Variants in SPMIP11 observed in about 807,000 individuals in gnomAD.
The protein encoded by SPMIP11 is sperm microtubule inner protein 11.
At chr12:48,740,863 G>A in the SPMIP11 span, among the ~76,000 whole-genome samples, 1 of 151,730 alleles carries the variant, frequency 6.6e-6, no homozygotes, top group African/African-American at 2.4e-5. Context: ...CTCCAGCCTG[G>A]GTGACAGAGT....
At chr12:48,763,794 T>G in the SPMIP11 span, among the ~76,000 whole-genome samples, 29 of 151,496 alleles carry the variant, frequency 1.9e-4, no homozygotes, top group South Asian at 5.6e-3. Flanking sequence ...TTCTCCTGCC[T>G]CATCCTACTG....
At chr12:48,754,387 A>G in the SPMIP11 span, among the ~76,000 whole-genome samples, 2 of 152,206 alleles carry the variant, frequency 1.3e-5, no homozygotes, top group African/African-American at 4.8e-5. Flanking sequence ...CCTAAACTCA[A>G]GTGATTCTCC....
At chr12:48,750,821 C>A in the SPMIP11 span, among the ~76,000 whole-genome samples, 1 of 152,124 alleles carries the variant, frequency 6.6e-6, no homozygotes, top group African/African-American at 2.4e-5. Flanking sequence ...CAGAATGGTT[C>A]CCTGGTCCCA....
At chr12:48,736,124 G>A in the SPMIP11 span, 1 of 449,888 alleles carries the variant, frequency 2.2e-6, no homozygotes, top group East Asian at 7.2e-5. Context: ...AGAATTCCTG[G>A]CCTCCATGGT....
At chr12:48,748,207 TG>T in the SPMIP11 span, among the ~76,000 whole-genome samples, 2 of 152,196 alleles carry the variant, frequency 1.3e-5, no homozygotes, top group African/African-American at 4.8e-5. Flanking sequence ...ATGAATAAAC[TG>T]GTTCCTTTTG....
the SPMIP11 span, among the ~76,000 whole-genome samples, chr12:48,745,537 C>T: frequency 6.6e-6 from 1 of 151,972 alleles, no homozygotes; most frequent in Admixed American, 6.6e-5. Context: ...ACTCAGGAGG[C>T]GGATATTGCA....
the SPMIP11 span, among the ~76,000 whole-genome samples, chr12:48,751,565 C>G: frequency 6.6e-6 from 1 of 152,098 alleles, no homozygotes; most frequent in African/African-American, 2.4e-5. Context: ...ATGATTGCAC[C>G]AGTGCATTCC....
At chr12:48,737,331 A>T in the SPMIP11 span, among the ~76,000 whole-genome samples, 2 of 151,874 alleles carry the variant, frequency 1.3e-5, no homozygotes, top group African/African-American at 4.8e-5. Flanking sequence ...GTCTTTTTTC[A>T]TTCATTGTTA....
chr12:48,745,227 G>A, the SPMIP11 span, among the ~76,000 whole-genome samples: 2 of 151,018 alleles, frequency 1.3e-5, no homozygotes, highest in African/African-American at 4.9e-5. Context: ...GCAGTGAGCC[G>A]AGATCATACC....
chr12:48,731,987 A>G, the SPMIP11 span, among the ~76,000 whole-genome samples: 1 of 151,976 alleles, frequency 6.6e-6, no homozygotes. Context: ...CGTCTCTACT[A>G]AAAATACAAA....
the SPMIP11 span, among the ~76,000 whole-genome samples, chr12:48,759,581 AGAG>A: frequency 0.011 from 1,733 of 152,014 alleles, 26 homozygotes; most frequent in African/African-American, 0.039. Flanking sequence ...CAGCTACTCA[AGAG>A]GCCTTGAAGC....
the SPMIP11 span, chr12:48,767,728 G>T: frequency 6.5e-6 from 1 of 152,766 alleles, no homozygotes; most frequent in Non-Finnish European, 1.5e-5. Flanking sequence ...GACCTGATCT[G>T]GACCCCGACG....
At chr12:48,764,753 G>T in the SPMIP11 span, 4 of 634,536 alleles carry the variant, frequency 6.3e-6, no homozygotes, top group Non-Finnish European at 8.5e-6. Context: ...CGGCCAAGCA[G>T]TTGCTGGGCT....
At chr12:48,765,073 C>T in the SPMIP11 span, 3 of 633,640 alleles carry the variant, frequency 4.7e-6, no homozygotes, top group African/African-American at 1.8e-5. Context: ...GAGATTATTT[C>T]ATCTCCGGTC....
chr12:48,729,851 T>C, the SPMIP11 span, among the ~76,000 whole-genome samples: 1 of 152,194 alleles, frequency 6.6e-6, no homozygotes. Flanking sequence ...GTACCCCTGA[T>C]GGACCTTAGA....
the SPMIP11 span, chr12:48,767,301 C>G: frequency 6.6e-6 from 1 of 152,622 alleles, no homozygotes; most frequent in Non-Finnish European, 1.5e-5. Context: ...ACATGGCCCC[C>G]GAACGGCACT....
chr12:48,769,589 CTTT>C, the SPMIP11 span, among the ~76,000 whole-genome samples: 2 of 138,830 alleles, frequency 1.4e-5, no homozygotes, highest in Non-Finnish European at 1.6e-5. Context: ...CCTTTCTTTT[CTTT>C]TTTTTTTTTT....
the SPMIP11 span, among the ~76,000 whole-genome samples, chr12:48,728,707 C>CAAAAAAAA: frequency 9.9e-5 from 7 of 70,986 alleles, no homozygotes; most frequent in African/African-American, 3.6e-4. Flanking sequence ...GACTCTGTCT[C>CAAAAAAAA]AAAAAAAAAA....
At chr12:48,757,518 C>T in the SPMIP11 span, among the ~76,000 whole-genome samples, 23 of 151,432 alleles carry the variant, frequency 1.5e-4, 1 homozygote, top group Admixed American at 4.0e-4. Flanking sequence ...TGGTGGTGAG[C>T]GCCTGTAGTC....
Sources: allele counts gnomAD v4.1 joint callset (sites outside exome capture counted in the v4.1 genomes callset), GRCh38; gene constraint gnomAD v4.1.1; transcripts MANE v1.5; gene names NCBI Gene and HGNC (gene_info 2026-07-23, HGNC 2026-07-21).